The following PRAG1 variants were observed in gnomAD, a reference collection of about 807,000 sequenced individuals.
PRAG1 encodes the protein PEAK1 related, kinase-activating pseudokinase 1.
In PRAG1, 110 loss-of-function variants were observed where a neutral mutation model predicts 95.6. The observed-to-expected ratio is 1.15, with a 90% CI of 0.99 to 1.35. The LOEUF (loss-of-function observed/expected upper bound fraction) is 1.35, where lower values mean the gene tolerates loss of function less well. Ranked by LOEUF, PRAG1 falls within the 40% of genes most tolerant of loss-of-function variation. PRAG1 has a pLI of 0.00. For synonymous variants in PRAG1, 1,052 were observed against 819.4 expected, an observed-to-expected ratio of 1.28 and a Z score of -4.85; for missense variants, 2,554 against 1,864.7, an observed-to-expected ratio of 1.37 and a Z score of -6.81.
At chr8:8,347,766 C>G (rs1799393269) in intron 3 of PRAG1, among the ~76,000 whole-genome samples, 2 of 148,822 alleles carry the variant, frequency 1.3e-5, no homozygotes, top group South Asian at 4.2e-4. Flanking sequence ...AACCTGCAGA[C>G]CTAGGAGAGA....
chr8:8,319,339 C>T, intron 5 of PRAG1, 37 bp from the exon 6 acceptor site: 1 of 1,469,688 alleles, frequency 6.8e-7, no homozygotes, highest in Non-Finnish European at 9.1e-7. Context: ...AAGAGTGGGG[C>T]CCATGGTTCC....
intron 1 of PRAG1, among the ~76,000 whole-genome samples, chr8:8,385,469 G>C (rs1279392035): frequency 6.6e-6 from 1 of 152,162 alleles, no homozygotes; most frequent in Non-Finnish European, 1.5e-5. Context: ...GAATTCCCTA[G>C]GGCTTTCTGT....
chr8:8,357,384 G>C (rs955889810), intron 3 of PRAG1, among the ~76,000 whole-genome samples: 4 of 152,076 alleles, frequency 2.6e-5, no homozygotes, highest in South Asian at 4.1e-4. Context: ...ACTTAAATTT[G>C]TCAAAAAACA....
chr8:8,369,735 T>C (rs1218133632), intron 3 of PRAG1, among the ~76,000 whole-genome samples: 1 of 151,614 alleles, frequency 6.6e-6, no homozygotes, highest in Non-Finnish European at 1.5e-5. Context: ...GTACTAATCC[T>C]GATCTTGGAT....
chr8:8,338,753 T>C (rs1277474782), intron 4 of PRAG1, among the ~76,000 whole-genome samples: 3 of 152,168 alleles, frequency 2.0e-5, no homozygotes, highest in Non-Finnish European at 4.4e-5. Flanking sequence ...GAAGAAATAT[T>C]TCCATAGGAC....
intron 3 of PRAG1, among the ~76,000 whole-genome samples, chr8:8,344,671 G>C (rs1799276595): frequency 6.6e-6 from 1 of 152,190 alleles, no homozygotes; most frequent in Non-Finnish European, 1.5e-5. Flanking sequence ...TGCATGCTTG[G>C]AATATTTGAT....
At chr8:8,362,675 C>G (rs1187420700) in intron 3 of PRAG1, among the ~76,000 whole-genome samples, 1 of 152,194 alleles carries the variant, frequency 6.6e-6, no homozygotes, top group African/African-American at 2.4e-5. Context: ...CAGATAAAAA[C>G]TTTTCTCAGT....
At chr8:8,323,725 C>T (rs932652836) in intron 5 of PRAG1, among the ~76,000 whole-genome samples, 5 of 152,096 alleles carry the variant, frequency 3.3e-5, no homozygotes, top group African/African-American at 1.2e-4. Flanking sequence ...GAGGCTTCCC[C>T]AGCCATGCTG....
In PRAG1 at chr8:8,327,803, C is replaced by T; in HGVS notation, c.2979G>A (p.Lys993=). 6.2e-7 allele frequency: 1 copy of T among 1,614,228 alleles called. No individual in the cohort carries two copies. Among genetic ancestry groups the T allele is most frequent in the Non-Finnish European group, 8.5e-7 (1 of 1,180,046 alleles). Residue 993 remains lysine, a synonymous_variant, in exon 5 of 6, where the codon AAG becomes AAA. Coordinates refer to ENST00000615670, the MANE Select transcript of PRAG1 (RefSeq NM_001080826.3). ...CACAGCAGGGCTTGTTACAAGTCAG[C>T]TTGAAGAGCGACCAGTTATTCTCAT... is the stretch of plus-strand genomic sequence containing the variant. ...HFNENNWSLF[K]LTCNKPCCDS... is the part of the protein sequence containing the mutation.
chr8:8,368,942 G>A (rs1800102637), intron 3 of PRAG1, among the ~76,000 whole-genome samples: 1 of 151,822 alleles, frequency 6.6e-6, no homozygotes, highest in Admixed American at 6.6e-5. Flanking sequence ...AAAAAAGCAG[G>A]GTAATAGAGA....
chr8:8,369,698 C>CTT (rs10596599), intron 3 of PRAG1, among the ~76,000 whole-genome samples: 5 of 140,070 alleles, frequency 3.6e-5, no homozygotes, highest in Non-Finnish European at 4.7e-5. Context: ...AAAAAATAAA[C>CTT]TTTTTTTTTT....
intron 3 of PRAG1, among the ~76,000 whole-genome samples, chr8:8,375,444 C>T (rs999126179): frequency 7.9e-5 from 12 of 152,104 alleles, no homozygotes; most frequent in African/African-American, 2.9e-4. Flanking sequence ...TCGTGATCCG[C>T]CCGCCTCGGC....
intron 3 of PRAG1, among the ~76,000 whole-genome samples, chr8:8,353,190 T>C (rs987139721): frequency 1.3e-5 from 2 of 152,218 alleles, no homozygotes; most frequent in African/African-American, 4.8e-5. Flanking sequence ...AATACTGAAC[T>C]GGAATTAAGC....
chr8:8,369,803 C>T (rs1198501085), intron 3 of PRAG1, among the ~76,000 whole-genome samples: 3 of 151,366 alleles, frequency 2.0e-5, no homozygotes, highest in African/African-American at 7.3e-5. Flanking sequence ...GGACACAGAG[C>T]TGAGCTTACC....
At position 8,328,211 on chromosome 8, in the gene PRAG1, G is replaced by A. The variant is rs754986834; in HGVS notation, c.2571C>T (p.His857=). 5.0e-6 allele frequency: 8 copies of A among 1,614,104 alleles called. No homozygotes were observed. The highest frequency in any genetic ancestry group is 3.3e-5 in the Admixed American group (2 of 60,016). ...LNLSHSETNV[H]DESHFSYSLS... is the part of the protein sequence containing the mutation. ...ACGAATAGCTAAAGTGAGATTCGTC[G>A]TGGACGTTGGTTTCCGAGTGGCTTA... Residue 857 remains histidine (H), a synonymous_variant, in exon 5 of 6, where the codon CAC becomes CAT. Transcript: ENST00000615670.
chr8:8,351,370 G>C (rs1290433901), intron 3 of PRAG1, among the ~76,000 whole-genome samples: 1 of 151,962 alleles, frequency 6.6e-6, no homozygotes, highest in Non-Finnish European at 1.5e-5. Flanking sequence ...CCAATATTCG[G>C]GATTATAATT....
chr8:8,328,585 T>TTTTTTA, intron 4 of PRAG1, 124 bp from the exon 5 acceptor site: 1 of 1,045,434 alleles, frequency 9.6e-7, no homozygotes, highest in Non-Finnish European at 1.3e-6. Flanking sequence ...ATGTTACTTC[T>TTTTTTA]TTTCTATTTC....
intron 5 of PRAG1, among the ~76,000 whole-genome samples, chr8:8,325,045 G>A (rs1463430013): frequency 6.6e-6 from 1 of 152,182 alleles, no homozygotes; most frequent in Non-Finnish European, 1.5e-5. Context: ...TGCCTTCAGT[G>A]CCGGCTCCCT....
chr8:8,366,302 G>T (rs1290007989), intron 3 of PRAG1, among the ~76,000 whole-genome samples: 1 of 149,358 alleles, frequency 6.7e-6, no homozygotes, highest in African/African-American at 2.5e-5. Flanking sequence ...CCACCCAAAG[G>T]CATGGGAATT....
Sources: allele counts gnomAD v4.1 joint callset (sites outside exome capture counted in the v4.1 genomes callset), GRCh38; gene constraint gnomAD v4.1.1; transcripts MANE v1.5; gene names NCBI Gene and HGNC (gene_info 2026-07-23, HGNC 2026-07-21).